ADAM10: variants seen among roughly 807,000 people sequenced by gnomAD.
ADAM10 encodes disintegrin and metalloproteinase domain-containing protein 10.
In ADAM10, 17 loss-of-function variants were observed where a neutral mutation model predicts 90.1. The ratio of observed to expected loss-of-function variants is 0.19; its 90% CI spans 0.13 to 0.28. The LOEUF (loss-of-function observed/expected upper bound fraction) is 0.28. Ranked by LOEUF, ADAM10 falls within the 10% of genes least tolerant of loss-of-function variation. The probability of loss-of-function intolerance (pLI) is 1.00; values close to 1 mark genes in which losing one functional copy is unlikely to be tolerated. For synonymous variants in ADAM10, 310 were observed against 298.6 expected (o/e 1.04, Z -0.40); for missense variants, 610 against 914.3 (o/e 0.67, Z 4.29).
intron 2 of ADAM10, among the ~76,000 whole-genome samples, chr15:58,707,142 A>G (rs8039696): frequency 0.63 from 94,962 of 151,276 alleles, 30,488 homozygotes; most frequent in Middle Eastern, 0.72. Context: ...CAGCACTCTG[A>G]GAGGCTAAGG....
At chr15:58,695,034 G>A (rs1241544967) in intron 2 of ADAM10, among the ~76,000 whole-genome samples, 2 of 152,202 alleles carry the variant, frequency 1.3e-5, no homozygotes, top group African/African-American at 2.4e-5. Context: ...TATATTTTAT[G>A]TAAGTAGGGG....
At chr15:58,676,116 C>G in intron 4 of ADAM10, 1 of 305,306 alleles carries the variant, frequency 3.3e-6, no homozygotes, top group Non-Finnish European at 6.5e-6. Context: ...GCAATAGATG[C>G]AAATGTATGA....
intron 5 of ADAM10, among the ~76,000 whole-genome samples, chr15:58,657,700 T>C (rs1221660441): frequency 6.6e-6 from 1 of 152,196 alleles, no homozygotes; most frequent in Non-Finnish European, 1.5e-5. Flanking sequence ...TTGTCCCCAG[T>C]GCCTTATTTA....
rs1268134222 is a variant in ADAM10 at position 58,594,065 on chromosome 15, A to G, written c.*3482T>C. 6.6e-6 allele frequency: 1 copy of G among 152,230 alleles called. No homozygotes were observed. Among genetic ancestry groups the G allele is most frequent in the Non-Finnish European group, 1.5e-5 (1 of 68,034 alleles). 9.4% of individuals were successfully genotyped at this position (152,230 alleles called of 1,614,324 possible). A position where few individuals can be genotyped will look rare whatever the true frequency, so the allele number is the denominator to read the frequency against. On this transcript the variant is annotated 3_prime_UTR_variant, in exon 16 of 16. Transcript: ENST00000260408. ...AAACCAATTGTCTTTCTAGTTTCTA[A>G]GAAGTTGAAAGTGGTTTTGGGGAAA...
intron 10 of ADAM10, 70 bp downstream of exon 10, chr15:58,627,630 T>C: frequency 1.4e-6 from 2 of 1,396,520 alleles, no homozygotes; most frequent in Non-Finnish European, 2.0e-6. Flanking sequence ...CAGTAATCAC[T>C]ATAGAATTCT....
chr15:58,621,331 C>T, intron 11 of ADAM10, 140 bp downstream of exon 11: 1 of 757,290 alleles, frequency 1.3e-6, no homozygotes, highest in Non-Finnish European at 2.2e-6. Context: ...ACCAACACTA[C>T]TTCAGAAAAA....
chr15:58,621,463 C>T lies in ADAM10; in HGVS notation c.1511+8G>A. ...AGAATGTTAACATCACTGAAATTAG[C>T]AAGGTACCTGCACTGTTTCCCAGGT... On this transcript the variant is annotated splice_region_variant and intron_variant, in intron 11 of 15. Transcript: ENST00000260408. The T allele has an allele frequency of 6.2e-7, 1 of 1,613,924 alleles. No homozygotes were observed. The highest frequency in any genetic ancestry group is 8.5e-7 in the Non-Finnish European group (1 of 1,179,958).
At chr15:58,660,138 C>G (rs1331112066) in intron 5 of ADAM10, among the ~76,000 whole-genome samples, 5 of 152,138 alleles carry the variant, frequency 3.3e-5, no homozygotes, top group African/African-American at 1.2e-4. Context: ...AATTTCTGTT[C>G]CATCATTTTA....
intron 2 of ADAM10, among the ~76,000 whole-genome samples, chr15:58,693,870 CAAT>C (rs1897898217): frequency 6.6e-6 from 1 of 150,742 alleles, no homozygotes; most frequent in Non-Finnish European, 1.5e-5. Context: ...TCTTACAAAT[CAAT>C]AATAAGACAA....
At chr15:58,659,815 G>A (rs556911972) in intron 5 of ADAM10, among the ~76,000 whole-genome samples, 291 of 152,114 alleles carry the variant, frequency 1.9e-3, no homozygotes, top group African/African-American at 6.3e-3. Context: ...TGCAAGCTCC[G>A]CCTCCTGGAT....
rs140368537 is a variant in ADAM10, at chr15:58,605,096, T to C, written c.2025+5201A>G. Among the ~76,000 whole-genome samples, 279 of 152,278 alleles carry C rather than the reference T, an allele frequency of 1.8e-3. 1 individual carries two copies. Among genetic ancestry groups the C allele is most frequent in the African/African-American group, 6.5e-3 (268 of 41,546 alleles). On this transcript the variant is annotated intron_variant, in intron 14 of 15. Coordinates refer to ENST00000260408, the MANE Select transcript of ADAM10 (RefSeq NM_001110.4). ...ACGCTATGGCAGTAAGAGAGGCAGA[T>C]TGGAGACAGAAAGCCCAGATTTAGT...
chr15:58,686,551 C>T (rs1161220182), intron 2 of ADAM10: 12 of 1,396,188 alleles, frequency 8.6e-6, no homozygotes, highest in African/African-American at 4.2e-5. Context: ...GCAAGGATGC[C>T]CTGCTGGTGG....
intron 2 of ADAM10, chr15:58,691,721 T>C (rs1282800638): frequency 5.2e-5 from 18 of 349,394 alleles, no homozygotes; most frequent in Non-Finnish European, 2.2e-5. Flanking sequence ...CCTTCTTCTG[T>C]CGCCCAGGCT....
intron 2 of ADAM10, chr15:58,693,023 G>C (rs1897872304): frequency 2.6e-6 from 2 of 774,152 alleles, no homozygotes; most frequent in Non-Finnish European, 4.7e-6. Flanking sequence ...GGGTCTGTCA[G>C]GCTCTCATAG....
chr15:58,599,865 T>C (rs1047700537), intron 14 of ADAM10, 141 bp from the exon 15 acceptor site: 2 of 744,210 alleles, frequency 2.7e-6, no homozygotes, highest in East Asian at 2.9e-5. Context: ...TGTATACATA[T>C]GTTAGATATT....
chr15:58,611,228 AAAAC>A (rs199623245), intron 12 of ADAM10, 121 bp from the exon 13 acceptor site: 29 of 762,366 alleles, frequency 3.8e-5, no homozygotes, highest in Middle Eastern at 2.4e-4. Flanking sequence ...ATGAAAGTGA[AAAAC>A]AAACAGAGAT....
chr15:58,677,435 A>G (rs184103646), intron 4 of ADAM10, among the ~76,000 whole-genome samples: 333 of 151,816 alleles, frequency 2.2e-3, no homozygotes, highest in South Asian at 3.5e-3. Flanking sequence ...ATCTTTGGGG[A>G]AAAAAAAAGA....
At chr15:58,698,983 C>T (rs1167797280) in intron 2 of ADAM10, among the ~76,000 whole-genome samples, 1 of 152,116 alleles carries the variant, frequency 6.6e-6, no homozygotes, top group African/African-American at 2.4e-5. Flanking sequence ...AGGTCTCTGC[C>T]AAGGCACATT....
chr15:58,749,493 C>T lies in ADAM10; in HGVS notation c.42G>A (p.Ala14=). ...LRVLILLLSW[A]AGMGGQYGNP... Reference sequence around the variant, plus strand: ...GTCGTGCCTCACCTCCCATCCCCGCCGCCCAGGAGAGGAGCAGAATTAACA... The same window carrying T: ...GTCGTGCCTCACCTCCCATCCCCGCTGCCCAGGAGAGGAGCAGAATTAACA... Residue 14 remains alanine, a synonymous_variant, in exon 1 of 16, where the codon GCG becomes GCA. Transcript: ENST00000260408. 1 of 1,552,324 alleles carries T rather than the reference C, an allele frequency of 6.4e-7. No homozygotes were observed. Among genetic ancestry groups the T allele is most frequent in the Non-Finnish European group, 8.7e-7 (1 of 1,147,960 alleles).
Sources: gnomAD v4.1 joint callset for allele counts (sites outside exome capture counted in the v4.1 genomes callset) on GRCh38, gnomAD v4.1.1 for gene constraint, MANE v1.5 for transcripts, NCBI Gene and HGNC (gene_info 2026-07-23, HGNC 2026-07-21) for gene names.